Variants in MAN1A1 observed in about 807,000 individuals in gnomAD.
MAN1A1 encodes mannosidase alpha class 1A member 1, also known as mannosyl-oligosaccharide 1,2-alpha-mannosidase IA.
MAN1A1 carries 29 observed loss-of-function variants against 70.8 expected under a neutral mutation model. The observed-to-expected ratio is 0.41, with a 90% CI of 0.31 to 0.56. The LOEUF (loss-of-function observed/expected upper bound fraction) is 0.56. MAN1A1 is among the 20% of genes least tolerant of loss of function. The probability of loss-of-function intolerance (pLI) is 0.29; values close to 1 mark genes in which losing one functional copy is unlikely to be tolerated. For missense variants in MAN1A1, 747 were observed against 841.3 expected (o/e 0.89, Z 1.39); for synonymous variants, 349 against 330.1 (o/e 1.06, Z -0.62).
chr6:119,201,508 T>C (rs1773711963), intron 7 of MAN1A1, among the ~76,000 whole-genome samples, 161 bp from the exon 8 acceptor site: 6 of 152,214 alleles, frequency 3.9e-5, no homozygotes. Context: ...TAAGTGAATA[T>C]AGTCACACTG....
rs1268316058 is a variant in MAN1A1 at position 119,188,442 on chromosome 6, T to C, written c.1682A>G (p.Asp561Gly). Residue 561 changes from aspartate (D) to glycine (G), a missense_variant, in exon 11 of 13, where the codon GAT (aspartate) becomes GGT (glycine). By Grantham distance (94) the Asp-to-Gly change is moderately conservative. Transcript: ENST00000368468. ...TYMYMWRLTHDPKYRKWAWEA... is the reference protein window; with the variant it reads ...TYMYMWRLTHGPKYRKWAWEA... ...CCAGGCCCATTTCCTGTACTTTGGA[T>C]CATGAGTCAGTCTCCACATATACAT... 4 of 1,613,114 alleles carry C rather than the reference T, an allele frequency of 2.5e-6. No individual in the cohort carries two copies. In the African/African-American group the frequency reaches 5.3e-5, roughly 22 times the overall value.
rs1005518303 is a variant in MAN1A1 at position 119,260,933 on chromosome 6, T to C, written c.898-12579A>G. On this transcript the variant is annotated intron_variant, in intron 5 of 12. Transcript: ENST00000368468. ...CAAGAAACATAATTTATGTTGTCCATTGTAGCTACTCATGCACTATCTAAA... is the reference window on the plus strand; with the variant it reads ...CAAGAAACATAATTTATGTTGTCCACTGTAGCTACTCATGCACTATCTAAA... Among the ~76,000 whole-genome samples the C allele has an allele frequency of 2.0e-5, 3 of 151,540 alleles. No individual in the cohort carries two copies. The South Asian group carries it at 6.2e-4, about 31-fold the overall frequency.
At chr6:119,326,224 T>A (rs1773143319) in intron 2 of MAN1A1, among the ~76,000 whole-genome samples, 1 of 152,208 alleles carries the variant, frequency 6.6e-6, no homozygotes, top group African/African-American at 2.4e-5. Context: ...CTCCCTGCCT[T>A]CAGGGTCAGC....
intron 5 of MAN1A1, among the ~76,000 whole-genome samples, chr6:119,276,758 A>G (rs1012885150): frequency 1.3e-5 from 2 of 152,234 alleles, no homozygotes; most frequent in Admixed American, 1.3e-4. Flanking sequence ...AGTAATTTAT[A>G]AATTAGAGCA....
intron 6 of MAN1A1, among the ~76,000 whole-genome samples, chr6:119,219,765 G>A (rs1315523384): frequency 6.6e-6 from 1 of 152,126 alleles, no homozygotes; most frequent in Admixed American, 6.5e-5. Context: ...TTAAAGCAAT[G>A]TAATTGCTAC....
At chr6:119,323,517 T>A (rs1025120806) in intron 2 of MAN1A1, among the ~76,000 whole-genome samples, 1 of 152,252 alleles carries the variant, frequency 6.6e-6, no homozygotes, top group African/African-American at 2.4e-5. Flanking sequence ...TTCTGCTTAA[T>A]CTTAATGATG....
At chr6:119,310,443 T>G (rs1772670225) in intron 2 of MAN1A1, among the ~76,000 whole-genome samples, 1 of 152,278 alleles carries the variant, frequency 6.6e-6, no homozygotes, top group African/African-American at 2.4e-5. Context: ...ACATAAAATT[T>G]CCGTAGTTTG....
chr6:119,261,041 C>T (rs1210889518), intron 5 of MAN1A1, among the ~76,000 whole-genome samples: 1 of 130,518 alleles, frequency 7.7e-6, no homozygotes, highest in Non-Finnish European at 1.5e-5. Context: ...TGCAGTGGTG[C>T]GATCTCGGCT....
chr6:119,236,613 CAGA>C (rs1320453149), intron 6 of MAN1A1, among the ~76,000 whole-genome samples: 1 of 147,944 alleles, frequency 6.8e-6, no homozygotes, highest in African/African-American at 2.5e-5. Context: ...GAGGTTGAGG[CAGA>C]AGAATGGCTT....
intron 2 of MAN1A1, among the ~76,000 whole-genome samples, chr6:119,322,871 G>A (rs748517447): frequency 1.2e-3 from 186 of 152,328 alleles, no homozygotes; most frequent in Middle Eastern, 3.4e-3. Flanking sequence ...CAACCGCTAC[G>A]TAGCTGGGTC....
intron 6 of MAN1A1, among the ~76,000 whole-genome samples, chr6:119,231,496 C>G (rs900223158): frequency 6.6e-6 from 1 of 152,166 alleles, no homozygotes; most frequent in African/African-American, 2.4e-5. Context: ...TATAAATTCC[C>G]CAGTCTTGGG....
At chr6:119,213,453 A>G (rs1774106303) in intron 6 of MAN1A1, among the ~76,000 whole-genome samples, 1 of 152,236 alleles carries the variant, frequency 6.6e-6, no homozygotes, top group South Asian at 2.1e-4. Context: ...AATAAAGAAT[A>G]AAAAATGAGG....
intron 6 of MAN1A1, among the ~76,000 whole-genome samples, chr6:119,235,427 C>T (rs989461164): frequency 2.6e-5 from 4 of 152,208 alleles, no homozygotes; most frequent in African/African-American, 9.6e-5. Context: ...ACAACATTCT[C>T]TTAAGCCAAA....
chr6:119,350,536 G>A, upstream of MAN1A1: 1 of 985,372 alleles, frequency 1.0e-6, no homozygotes, highest in Non-Finnish European at 1.2e-6. Flanking sequence ...CCTCATAGAA[G>A]TTGGTCAAAT....
intron 11 of MAN1A1, 151 bp downstream of exon 11, chr6:119,188,254 A>C: frequency 1.6e-6 from 1 of 609,070 alleles, no homozygotes; most frequent in Admixed American, 3.3e-5. Flanking sequence ...ATATAAAATG[A>C]CTTCAATGAA....
intron 5 of MAN1A1, among the ~76,000 whole-genome samples, chr6:119,266,354 A>C (rs570382447): frequency 9.0e-4 from 137 of 152,310 alleles, no homozygotes; most frequent in African/African-American, 3.2e-3. Context: ...AAATGAAGAT[A>C]ATCTTGTCTC....
chr6:119,332,228 T>C (rs899900265), intron 2 of MAN1A1, among the ~76,000 whole-genome samples: 2 of 152,176 alleles, frequency 1.3e-5, no homozygotes, highest in African/African-American at 4.8e-5. Flanking sequence ...GCCAAGATGA[T>C]ATTTTAAAAA....
intron 2 of MAN1A1, among the ~76,000 whole-genome samples, chr6:119,342,906 T>C (rs1399670314): frequency 6.6e-6 from 1 of 151,984 alleles, no homozygotes; most frequent in Non-Finnish European, 1.5e-5. Flanking sequence ...ACTCACTCTC[T>C]TCTTCTCTCC....
chr6:119,260,339 T>C (rs1054902089), intron 5 of MAN1A1, among the ~76,000 whole-genome samples: 1 of 152,216 alleles, frequency 6.6e-6, no homozygotes, highest in Non-Finnish European at 1.5e-5. Flanking sequence ...AGTTCTGGTA[T>C]AATAAGGATA....
Sources: gnomAD v4.1 joint callset for allele counts (sites outside exome capture counted in the v4.1 genomes callset) on GRCh38, gnomAD v4.1.1 for gene constraint, MANE v1.5 for transcripts, NCBI Gene and HGNC (gene_info 2026-07-23, HGNC 2026-07-21) for gene names.